Variants in EPM2A observed in about 807,000 individuals in gnomAD.
EPM2A encodes the protein laforin.
Under a neutral mutation model 26.5 loss-of-function variants are expected in EPM2A, and 21 were observed. The observed-to-expected ratio is 0.79, with a 90% CI of 0.56 to 1.14. EPM2A has a LOEUF of 1.14. Among genes scored for constraint, EPM2A ranks in the 50% most tolerant of loss-of-function variants. The pLI is 0.00. For synonymous variants in EPM2A, 217 were observed against 177.6 expected (o/e 1.22, Z -1.76); for missense variants, 458 against 440.8 (o/e 1.04, Z -0.35).
intron 2 of EPM2A, among the ~76,000 whole-genome samples, chr6:145,533,084 C>T (rs1382356819): frequency 1.3e-5 from 2 of 152,110 alleles, no homozygotes; most frequent in African/African-American, 4.8e-5. Flanking sequence ...ACACAATTAA[C>T]GATTTTTGCA....
At chr6:145,538,072 T>G (rs975541861) in intron 2 of EPM2A, among the ~76,000 whole-genome samples, 7 of 152,082 alleles carry the variant, frequency 4.6e-5, no homozygotes, top group African/African-American at 9.7e-5. Flanking sequence ...TATGTCTGCA[T>G]GTGTCTTTAT....
At chr6:145,497,766 C>T (rs1779839791), downstream of EPM2A, among the ~76,000 whole-genome samples, 1 of 152,226 alleles carries the variant, frequency 6.6e-6, no homozygotes, top group Admixed American at 6.5e-5. Flanking sequence ...GTTAGGAAGT[C>T]CTGCCCAGTG....
At chr6:145,731,862 A>T (rs1217312218) in intron 1 of EPM2A, among the ~76,000 whole-genome samples, 1 of 152,196 alleles carries the variant, frequency 6.6e-6, no homozygotes, top group Non-Finnish European at 1.5e-5. Context: ...CCAAGTGATA[A>T]AACAGACTGC....
chr6:145,595,593 A>G (rs1396359202), intron 2 of EPM2A, among the ~76,000 whole-genome samples: 1 of 151,830 alleles, frequency 6.6e-6, no homozygotes, highest in East Asian at 1.9e-4. Flanking sequence ...TCTATTTTAT[A>G]TTTTTTATTT....
rs1032515259 is a variant in EPM2A at position 145,626,608 on chromosome 6, G to A, written c.*808C>T. On this transcript the variant is annotated 3_prime_UTR_variant, in exon 4 of 4. Coordinates refer to ENST00000367519, the MANE Select transcript of EPM2A (RefSeq NM_005670.4). ...TGATGCTGGGAAAACAAGTTGTGAT[G>A]AAAACAGTGCTGAGTCAAATAAATA... 12 of 984,530 alleles carry A rather than the reference G, an allele frequency of 1.2e-5. No homozygotes were observed. The Admixed American group carries it at 6.2e-4, about 51-fold the overall frequency. 61.0% of individuals were successfully genotyped at this position (984,530 alleles called of 1,614,324 possible). A position where few individuals can be genotyped will look rare whatever the true frequency, so the allele number is the denominator to read the frequency against.
chr6:145,527,641 C>T (rs1277668435), intron 2 of EPM2A, among the ~76,000 whole-genome samples: 1 of 152,014 alleles, frequency 6.6e-6, no homozygotes, highest in Non-Finnish European at 1.5e-5. Context: ...TTCTCCATCC[C>T]TCTACTTTGA....
chr6:145,502,700 T>C (rs1375357821), intron 2 of EPM2A: 1 of 388,452 alleles, frequency 2.6e-6, no homozygotes, highest in Admixed American at 2.9e-5. Context: ...TCCTATCATG[T>C]AATATACATA....
rs1053255571 is a variant in EPM2A at position 145,400,865 on chromosome 6, C to T, written c.556-16768G>A. The stretch of plus-strand genomic sequence containing the variant: ...TGGTTTCATCCGGGGCTCTGCTTCC[C>T]GCCTACAGGTTGTTACACCCCCATC... On this transcript the variant is annotated intron_variant, in intron 4 of 4. Transcript: ENST00000638717. 2.0e-5 allele frequency among the ~76,000 whole-genome samples: 3 copies of T among 152,050 alleles called. 1 individual carries two copies. The highest frequency in any genetic ancestry group is 4.1e-4 in the South Asian group (2 of 4,828).
intron 2 of EPM2A, among the ~76,000 whole-genome samples, chr6:145,561,226 G>T (rs1199707719): frequency 6.7e-6 from 1 of 148,312 alleles, no homozygotes; most frequent in Non-Finnish European, 1.5e-5. Flanking sequence ...ATTGCCTGTG[G>T]TTACATGTTG....
intron 2 of EPM2A, among the ~76,000 whole-genome samples, chr6:145,584,460 C>T (rs566839093): frequency 6.6e-4 from 100 of 152,266 alleles, no homozygotes; most frequent in African/African-American, 2.3e-3. Context: ...AAGGCTAACG[C>T]CACATAGGGG....
At chr6:145,449,494 C>T (rs1346289998) in intron 4 of EPM2A, among the ~76,000 whole-genome samples, 4 of 152,142 alleles carry the variant, frequency 2.6e-5, no homozygotes, top group Non-Finnish European at 5.9e-5. Flanking sequence ...TCTTTTACCC[C>T]GTTTATCTAA....
chr6:145,497,848 T>C (rs986180230), downstream of EPM2A, among the ~76,000 whole-genome samples: 6 of 152,196 alleles, frequency 3.9e-5, no homozygotes, highest in Non-Finnish European at 7.3e-5. Flanking sequence ...TTTGCCTTAC[T>C]GGGGTATTGC....
At chr6:145,444,635 T>C (rs9497306) in intron 4 of EPM2A, among the ~76,000 whole-genome samples, 8,070 of 152,276 alleles carry the variant, frequency 0.053, 720 homozygotes, top group African/African-American at 0.18. Flanking sequence ...CTCAATTAAA[T>C]AGCTTATTTA....
chr6:145,696,056 G>C (rs1040543744), intron 1 of EPM2A, among the ~76,000 whole-genome samples: 1 of 152,040 alleles, frequency 6.6e-6, no homozygotes, highest in Non-Finnish European at 1.5e-5. Flanking sequence ...AATTCCAGAA[G>C]ACTGAAATCA....
At chr6:145,675,846 C>G (rs905911921) in intron 2 of EPM2A, among the ~76,000 whole-genome samples, 1 of 152,086 alleles carries the variant, frequency 6.6e-6, no homozygotes, top group East Asian at 1.9e-4. Context: ...GACTTTAACA[C>G]CCCACTGTCA....
chr6:145,434,042 A>G (rs1243387393), intron 4 of EPM2A, among the ~76,000 whole-genome samples: 1 of 151,854 alleles, frequency 6.6e-6, no homozygotes, highest in African/African-American at 2.4e-5. Flanking sequence ...TCTTTATTTT[A>G]CCCTCTTTTT....
At chr6:145,728,726 C>G (rs1240519504) in intron 1 of EPM2A, among the ~76,000 whole-genome samples, 2 of 152,134 alleles carry the variant, frequency 1.3e-5, no homozygotes. Context: ...GCAGCCTTGC[C>G]ATGTGGTAGA....
At chr6:145,537,468 G>A (rs539923097) in intron 2 of EPM2A, among the ~76,000 whole-genome samples, 1 of 152,032 alleles carries the variant, frequency 6.6e-6, no homozygotes, top group East Asian at 1.9e-4. Flanking sequence ...CTAGGAAATG[G>A]CCTAGAAGTA....
At chr6:145,386,069 T>C (rs1002831691) in intron 4 of EPM2A, among the ~76,000 whole-genome samples, 1 of 152,128 alleles carries the variant, frequency 6.6e-6, no homozygotes, top group Non-Finnish European at 1.5e-5. Context: ...AGCTGTACTT[T>C]AGTACTAAAT....
Sources: allele counts gnomAD v4.1 joint callset (sites outside exome capture counted in the v4.1 genomes callset), GRCh38; gene constraint gnomAD v4.1.1; transcripts MANE v1.5; gene names NCBI Gene and HGNC (gene_info 2026-07-23, HGNC 2026-07-21).